Variants in XKR4 observed in about 807,000 individuals in gnomAD.
XKR4 encodes XK-related protein 4.
A neutral mutation model predicts 53.9 loss-of-function variants in XKR4; 12 were observed. That is an observed-to-expected ratio of 0.22 (90% CI 0.14 to 0.36). The LOEUF (loss-of-function observed/expected upper bound fraction) is 0.36. XKR4 is among the 10% of genes least tolerant of loss of function. The pLI is 1.00. For missense variants in XKR4, 799 were observed against 859.5 expected (o/e 0.93, Z 0.88); for synonymous variants, 354 against 362.4 (o/e 0.98, Z 0.26).
intron 1 of XKR4, among the ~76,000 whole-genome samples, chr8:55,289,570 A>AAG (rs1563316339): frequency 2.8e-5 from 3 of 106,092 alleles, no homozygotes; most frequent in African/African-American, 1.1e-4. Context: ...GGAAGGAAGG[A>AAG]GAGAGAAAGG....
intron 1 of XKR4, among the ~76,000 whole-genome samples, chr8:55,168,582 T>A (rs2129358150): frequency 6.6e-6 from 1 of 152,318 alleles, no homozygotes; most frequent in Non-Finnish European, 1.5e-5. Flanking sequence ...AAAGAACAGA[T>A]GTCTACTTCC....
intron 2 of XKR4, among the ~76,000 whole-genome samples, chr8:55,365,247 A>C (rs890948470): frequency 6.6e-6 from 1 of 152,200 alleles, no homozygotes; most frequent in Non-Finnish European, 1.5e-5. Context: ...CTGGCCCTTC[A>C]CGCACGACGT....
rs146164388 is a variant in XKR4, at chr8:55,410,650, C to A, written c.1006+52773C>A. Among the ~76,000 whole-genome samples the A allele has an allele frequency of 5.3e-5, 8 of 151,996 alleles. No individual in the cohort carries two copies. In the South Asian group the frequency reaches 6.3e-4, roughly 12 times the overall value. On this transcript the variant is annotated intron_variant, in intron 2 of 2. Transcript: ENST00000327381. ...TGCTCCCCATCCGTCCCCATTTGCC[C>A]CTGCCTGCCTCTCCCCCGGGACCCT...
intron 1 of XKR4, among the ~76,000 whole-genome samples, chr8:55,272,346 A>G (rs1818703640): frequency 6.6e-6 from 1 of 152,224 alleles, no homozygotes; most frequent in African/African-American, 2.4e-5. Flanking sequence ...GAATGGTGTG[A>G]GCAGCACCTT....
intron 2 of XKR4, among the ~76,000 whole-genome samples, chr8:55,488,313 T>C (rs1408160324): frequency 6.6e-6 from 1 of 152,218 alleles, no homozygotes; most frequent in South Asian, 2.1e-4. Flanking sequence ...TCTTATCATA[T>C]GATCCAGGAA....
At chr8:55,518,896 A>G (rs939664090) in intron 2 of XKR4, among the ~76,000 whole-genome samples, 12 of 152,232 alleles carry the variant, frequency 7.9e-5, no homozygotes, top group African/African-American at 2.7e-4. Flanking sequence ...GAAATAAAGA[A>G]GAGGAGAGAG....
chr8:55,445,231 G>A (rs531721253), intron 2 of XKR4, among the ~76,000 whole-genome samples: 1 of 152,084 alleles, frequency 6.6e-6, no homozygotes, highest in East Asian at 1.9e-4. Context: ...CTAATTTTTT[G>A]TATTTTTAGT....
intron 2 of XKR4, among the ~76,000 whole-genome samples, chr8:55,401,852 A>T (rs890091447): frequency 1.3e-5 from 2 of 152,270 alleles, no homozygotes; most frequent in Admixed American, 1.3e-4. Context: ...ATCTAATATT[A>T]TATTAGAAAT....
intron 1 of XKR4, among the ~76,000 whole-genome samples, 172 bp downstream of exon 1, chr8:55,103,466 C>T (rs914787547): frequency 1.3e-5 from 2 of 152,036 alleles, no homozygotes; most frequent in Non-Finnish European, 2.9e-5. Context: ...TTTGCAATCT[C>T]AGTCTAGGGT....
chr8:55,490,890 T>C (rs1740244253), intron 2 of XKR4, among the ~76,000 whole-genome samples: 1 of 151,904 alleles, frequency 6.6e-6, no homozygotes, highest in African/African-American at 2.4e-5. Context: ...TCCTCAAATT[T>C]AGAAATGTTT....
intron 2 of XKR4, among the ~76,000 whole-genome samples, chr8:55,400,169 A>C (rs1804578007): frequency 6.6e-6 from 1 of 152,156 alleles, no homozygotes; most frequent in African/African-American, 2.4e-5. Flanking sequence ...CCACTTTCCA[A>C]ATGACAGGTT....
intron 1 of XKR4, among the ~76,000 whole-genome samples, chr8:55,111,793 G>A (rs1816236254): frequency 6.6e-6 from 1 of 152,148 alleles, no homozygotes; most frequent in Non-Finnish European, 1.5e-5. Context: ...AGGCTTGAAA[G>A]AACTATCCAT....
At chr8:55,128,250 G>A (rs1816501163) in intron 1 of XKR4, among the ~76,000 whole-genome samples, 1 of 152,186 alleles carries the variant, frequency 6.6e-6, no homozygotes, top group Admixed American at 6.5e-5. Flanking sequence ...GTCAAGAACA[G>A]GAAACCTGTT....
At chr8:55,257,695 T>A (rs1228747605) in intron 1 of XKR4, among the ~76,000 whole-genome samples, 1 of 152,218 alleles carries the variant, frequency 6.6e-6, no homozygotes, top group Non-Finnish European at 1.5e-5. Context: ...TTCAGGAGTA[T>A]GTTTAGTTAT....
rs868239659 is a variant in XKR4 at position 55,523,486 on chromosome 8, C to T, written c.1212C>T (p.Phe404=). Residue 404 remains phenylalanine (F), a synonymous_variant, in exon 3 of 3, where the codon TTC becomes TTT. Transcript: ENST00000327381. ...TTTTCCAGCTGTACTTTGGGATCTT[C>T]ATCGTCCTTCACTGGTGCATCATGA... ...ASVFQLYFGI[F]IVLHWCIMTF... 16 of 1,614,222 alleles carry T rather than the reference C, an allele frequency of 9.9e-6. No individual in the cohort carries two copies. The highest frequency in any genetic ancestry group is 1.4e-5 in the Non-Finnish European group (16 of 1,180,040).
At chr8:55,466,185 T>C (rs1209380830) in intron 2 of XKR4, among the ~76,000 whole-genome samples, 2 of 152,084 alleles carry the variant, frequency 1.3e-5, no homozygotes, top group East Asian at 1.9e-4. Flanking sequence ...GACACATGCA[T>C]ATGTATGTTT....
chr8:55,284,940 C>G (rs766226035), intron 1 of XKR4, among the ~76,000 whole-genome samples: 3 of 152,344 alleles, frequency 2.0e-5, no homozygotes, highest in Middle Eastern at 6.8e-3. Flanking sequence ...TACCCTCTGC[C>G]AGTAATTCAA....
chr8:55,215,074 TA>T (rs34214148), intron 1 of XKR4, among the ~76,000 whole-genome samples: 335 of 145,778 alleles, frequency 2.3e-3, no homozygotes, highest in Middle Eastern at 7.0e-3. Flanking sequence ...AGAGTATGGT[TA>T]AAAAAAAAAA....
chr8:55,160,107 T>G (rs907197508), intron 1 of XKR4, among the ~76,000 whole-genome samples: 1 of 152,194 alleles, frequency 6.6e-6, no homozygotes, highest in Non-Finnish European at 1.5e-5. Context: ...TAAGGAAGTA[T>G]GCATGATTGG....
Sources: allele counts gnomAD v4.1 joint callset (sites outside exome capture counted in the v4.1 genomes callset), GRCh38; gene constraint gnomAD v4.1.1; transcripts MANE v1.5; gene names NCBI Gene and HGNC (gene_info 2026-07-23, HGNC 2026-07-21).